The following YTHDC2 variants were observed in gnomAD, a reference collection of about 807,000 sequenced individuals.
YTHDC2 encodes YTH N6-methyladenosine RNA binding protein C2.
Under a neutral mutation model 174.9 loss-of-function variants are expected in YTHDC2, and 45 were observed. The ratio of observed to expected loss-of-function variants is 0.26; its 90% CI spans 0.20 to 0.33. The LOEUF is 0.33. Ranked by LOEUF, YTHDC2 falls within the 10% of genes least tolerant of loss-of-function variation. The pLI, the probability that YTHDC2 is intolerant of heterozygous loss-of-function variation, is 1.00. For synonymous variants in YTHDC2, 657 were observed against 574.5 expected (o/e 1.14, Z -2.05); for missense variants, 1,650 against 1,723.7 (o/e 0.96, Z 0.76).
intron 23 of YTHDC2, among the ~76,000 whole-genome samples, chr5:113,571,638 G>A (rs1228071486): frequency 2.0e-5 from 3 of 152,116 alleles, no homozygotes; most frequent in African/African-American, 7.2e-5. Flanking sequence ...CTTTATTACT[G>A]CCTCAATTTC....
In YTHDC2 at chr5:113,567,078, T is replaced by G; in HGVS notation, c.2843-14T>G. ...GCACAATAGAAAAATTGGTGTGGTT[T>G]TTTTCCCCTCTAGGTTTTGTTAGAG... On this transcript the variant is annotated splice_polypyrimidine_tract_variant and intron_variant, in intron 21 of 29. Transcript: ENST00000161863. The G allele has an allele frequency of 1.2e-6, 2 of 1,603,858 alleles. No homozygotes were observed. Among genetic ancestry groups the G allele is most frequent in the South Asian group, 1.1e-5 (1 of 88,812 alleles).
chr5:113,542,703 A>G (rs1775572541), intron 10 of YTHDC2, among the ~76,000 whole-genome samples, 200 bp downstream of exon 10: 1 of 152,220 alleles, frequency 6.6e-6, no homozygotes, highest in South Asian at 2.1e-4. Context: ...GTTAAATCAG[A>G]TTCTTAAGCT....
At chr5:113,579,827 C>A (rs1457432337) in intron 24 of YTHDC2, 132 bp downstream of exon 24, 2 of 1,295,036 alleles carry the variant, frequency 1.5e-6, no homozygotes, top group Non-Finnish European at 2.0e-6. Context: ...TTTCAGTTTT[C>A]TTGGGGACCT....
At chr5:113,590,357 C>T (rs1561715144) in intron 26 of YTHDC2, among the ~76,000 whole-genome samples, 1 of 152,152 alleles carries the variant, frequency 6.6e-6, no homozygotes, top group East Asian at 1.9e-4. Flanking sequence ...GGGCCAGTAC[C>T]ATATATATTA....
At chr5:113,524,661 G>A (rs796239805) in intron 2 of YTHDC2, among the ~76,000 whole-genome samples, 17 of 152,176 alleles carry the variant, frequency 1.1e-4, no homozygotes, top group African/African-American at 4.1e-4. Context: ...ATGCTTCCCA[G>A]CATGTATCAT....
intron 23 of YTHDC2, among the ~76,000 whole-genome samples, chr5:113,575,948 A>G (rs893419475): frequency 2.2e-5 from 3 of 135,226 alleles, no homozygotes. Flanking sequence ...GAATGTGGGT[A>G]GTAAGGGAAA....
intron 3 of YTHDC2, 59 bp downstream of exon 3, chr5:113,525,236 C>G: frequency 7.5e-7 from 1 of 1,333,372 alleles, no homozygotes; most frequent in Non-Finnish European, 1.0e-6. Flanking sequence ...TGTTCTTTTT[C>G]CATTTTAGAT....
At chr5:113,593,279 T>C in intron 28 of YTHDC2, 24 bp from the exon 29 acceptor site, 4 of 1,592,036 alleles carry the variant, frequency 2.5e-6, no homozygotes, top group Non-Finnish European at 3.4e-6. Flanking sequence ...TTTTTATGTT[T>C]ATTTTGACTT....
intron 23 of YTHDC2, among the ~76,000 whole-genome samples, chr5:113,576,350 T>C (rs1778044578): frequency 6.6e-6 from 1 of 152,206 alleles, no homozygotes; most frequent in Non-Finnish European, 1.5e-5. Context: ...ATTAAGTTTG[T>C]ATGAAGAGAG....
rs1561674879 is a variant in YTHDC2 at position 113,561,465 on chromosome 5, C to CTT, written c.2322+281_2322+282insTT. Among the ~76,000 whole-genome samples the CTT allele has an allele frequency of 5.1e-5, 7 of 136,842 alleles. No individual in the cohort carries two copies. In the East Asian group the frequency reaches 1.0e-3, roughly 20 times the overall value. The allele number at this position is 136,842 out of a possible 152,430, so 89.8% of individuals were successfully genotyped here. On this transcript the variant is annotated intron_variant, in intron 18 of 29. Coordinates refer to ENST00000161863, the MANE Select transcript of YTHDC2 (RefSeq NM_022828.5). ...TTTATCTATCTATCTATCTATCTAT[C>CTT]TATCTATATTTTTTTTTTTTTGAGT...
At chr5:113,552,786 T>G (rs2112668807) in intron 12 of YTHDC2, among the ~76,000 whole-genome samples, 1 of 152,250 alleles carries the variant, frequency 6.6e-6, no homozygotes, top group East Asian at 1.9e-4. Context: ...CAGCAATGCA[T>G]GAGGGTTTAA....
intron 17 of YTHDC2, among the ~76,000 whole-genome samples, chr5:113,560,358 A>AT (rs1305026097): frequency 3.3e-5 from 5 of 152,070 alleles, no homozygotes; most frequent in African/African-American, 7.2e-5. Context: ...GAGAAATTTT[A>AT]TTTTTTTCTC....
intron 10 of YTHDC2, among the ~76,000 whole-genome samples, chr5:113,547,317 C>T (rs1336806526): frequency 6.6e-6 from 1 of 152,136 alleles, no homozygotes; most frequent in Non-Finnish European, 1.5e-5. Context: ...CTTATTGAAT[C>T]TGAATCTCTG....
At chr5:113,577,081 A>T (rs1224403068) in intron 23 of YTHDC2, among the ~76,000 whole-genome samples, 1 of 152,142 alleles carries the variant, frequency 6.6e-6, no homozygotes, top group African/African-American at 2.4e-5. Flanking sequence ...AACAGTTCTT[A>T]TATATCCTCC....
intron 23 of YTHDC2, among the ~76,000 whole-genome samples, chr5:113,572,490 C>T (rs1449407877): frequency 6.6e-6 from 1 of 152,156 alleles, no homozygotes; most frequent in Non-Finnish European, 1.5e-5. Flanking sequence ...TCCACTTGAT[C>T]CAGAGCTGAG....
intron 17 of YTHDC2, among the ~76,000 whole-genome samples, chr5:113,557,034 C>G (rs767083183): frequency 1.3e-5 from 2 of 152,078 alleles, no homozygotes; most frequent in Non-Finnish European, 2.9e-5. Context: ...ACAGAACATG[C>G]ATCTAGTAGT....
At chr5:113,515,766 T>A (rs1410913294) in intron 2 of YTHDC2, among the ~76,000 whole-genome samples, 1 of 152,196 alleles carries the variant, frequency 6.6e-6, no homozygotes, top group Non-Finnish European at 1.5e-5. Flanking sequence ...TAAAGAACAA[T>A]GAATTTATTT....
At chr5:113,565,170 G>C (rs1303213398) in intron 20 of YTHDC2, among the ~76,000 whole-genome samples, 2 of 152,188 alleles carry the variant, frequency 1.3e-5, no homozygotes, top group Non-Finnish European at 2.9e-5. Context: ...TTCAGACACA[G>C]AAGATTTTTT....
chr5:113,541,954 T>C (rs1312216163), intron 9 of YTHDC2, among the ~76,000 whole-genome samples: 2 of 152,138 alleles, frequency 1.3e-5, no homozygotes, highest in African/African-American at 4.8e-5. Flanking sequence ...TTTAAAGCCC[T>C]ATGGAATCTA....
Sources: gnomAD v4.1 joint callset for allele counts (sites outside exome capture counted in the v4.1 genomes callset) on GRCh38, gnomAD v4.1.1 for gene constraint, MANE v1.5 for transcripts, NCBI Gene and HGNC (gene_info 2026-07-23, HGNC 2026-07-21) for gene names.